HORMAD2: variants seen among roughly 807,000 people sequenced by gnomAD.
HORMAD2 encodes the protein HORMA domain-containing protein 2.
In HORMAD2, 45 loss-of-function variants were observed where a neutral mutation model predicts 38.8. The ratio of observed to expected loss-of-function variants is 1.16; its 90% confidence interval spans 0.91 to 1.49. HORMAD2 has a LOEUF of 1.49. Ranked by LOEUF, HORMAD2 falls within the 40% of genes most tolerant of loss-of-function variation. The pLI, the probability that HORMAD2 is intolerant of heterozygous loss-of-function variation, is 0.00. For synonymous variants in HORMAD2, 126 were observed against 122.8 expected (o/e 1.03, Z -0.17); for missense variants, 338 against 367.0 (o/e 0.92, Z 0.65).
chr22:30,121,715 A>G lies in HORMAD2; in HGVS notation c.494A>G (p.Tyr165Cys). 1 of 1,611,684 alleles carries G rather than the reference A, an allele frequency of 6.2e-7. No individual in the cohort carries two copies. The change falls in exon 9 of 11, where the codon TAT (tyrosine) becomes TGT (cysteine). Residue 165 changes from tyrosine to cysteine, a missense_variant. Transcript: ENST00000336726. Reference sequence around the variant, plus strand: ...AGTGTTCTACTGATCCGTAAATTGTATATACTGATGCAGGACCTTGAGCCA... The same window carrying G: ...AGTGTTCTACTGATCCGTAAATTGTGTATACTGATGCAGGACCTTGAGCCA... ...KASVLLIRKLYILMQDLEPLP... is the reference protein window; with the variant it reads ...KASVLLIRKLCILMQDLEPLP...
At chr22:30,079,538 C>T (rs1046860250), upstream of HORMAD2, among the ~76,000 whole-genome samples, 1 of 152,094 alleles carries the variant, frequency 6.6e-6, no homozygotes, top group African/African-American at 2.4e-5. Context: ...CAGGGTCTCC[C>T]TCTGTTGCCC....
downstream of HORMAD2, among the ~76,000 whole-genome samples, chr22:30,180,873 C>CTTCCCT (rs139156438): frequency 3.9e-4 from 48 of 122,636 alleles, 1 homozygote; most frequent in African/African-American, 1.2e-3. Flanking sequence ...CCCTTCTTCC[C>CTTCCCT]TTCCCTTTCC....
intron 10 of HORMAD2, among the ~76,000 whole-genome samples, chr22:30,164,208 A>G (rs1925634651): frequency 6.6e-6 from 1 of 152,212 alleles, no homozygotes. Context: ...ATTGATGGAC[A>G]GGTGGGTTGC....
intron 10 of HORMAD2, among the ~76,000 whole-genome samples, chr22:30,159,133 G>T (rs6006382): frequency 6.6e-6 from 1 of 152,096 alleles, no homozygotes; most frequent in Non-Finnish European, 1.5e-5. Context: ...GAGACAATGC[G>T]GAAAAATTAG....
rs539649971 is a variant in HORMAD2, at chr22:30,146,676, A to G, written c.819+24462A>G. On this transcript the variant is annotated intron_variant, in intron 10 of 10. Transcript: ENST00000336726. ...ACTCTTACCACTTATAGTCAACATC[A>G]TACTAGAGGTCCCACCAGCTAATTA... Among the ~76,000 whole-genome samples, 20 of 152,314 alleles carry G rather than the reference A, an allele frequency of 1.3e-4. No individual in the cohort carries two copies. In the South Asian group the frequency reaches 2.5e-3, roughly 19 times the overall value.
chr22:30,184,555 T>C, the HORMAD2 span: 1 of 152,148 alleles, frequency 6.6e-6, no homozygotes, highest in African/African-American at 2.4e-5. Flanking sequence ...TTTTAATGTT[T>C]TGGTTTTTTT....
chr22:30,080,142 C>G (rs546719511), upstream of HORMAD2: 1 of 152,396 alleles, frequency 6.6e-6, no homozygotes, highest in Non-Finnish European at 1.5e-5. Context: ...GCGGGGCAGG[C>G]ACCTCCTCAG....
rs553546203 is a variant in HORMAD2 at position 30,114,724 on chromosome 22, T to C, written c.342+2202T>C. Among the ~76,000 whole-genome samples, 10 of 152,316 alleles carry C rather than the reference T, an allele frequency of 6.6e-5. No individual in the cohort carries two copies. In the East Asian group the frequency reaches 1.9e-3, roughly 29 times the overall value. The stretch of plus-strand genomic sequence containing the variant: ...TGAAGAGTATGTCATGGTATAACAA[T>C]TGAGAACCTCTGGCTTAAATCAAAC... On this transcript the variant is annotated intron_variant, in intron 7 of 10. Transcript: ENST00000336726.
At chr22:30,173,226 C>T (rs1926226782) in intron 10 of HORMAD2, among the ~76,000 whole-genome samples, 1 of 152,138 alleles carries the variant, frequency 6.6e-6, no homozygotes, top group Admixed American at 6.6e-5. Context: ...ATTCTGAGGT[C>T]CATGGGAAGT....
chr22:30,091,701 T>A (rs1395106266), intron 1 of HORMAD2, among the ~76,000 whole-genome samples: 1 of 152,204 alleles, frequency 6.6e-6, no homozygotes, highest in African/African-American at 2.4e-5. Flanking sequence ...TTTGGATAAA[T>A]ACCCAATAGT....
At chr22:30,097,800 A>T (rs2068809675) in intron 2 of HORMAD2, among the ~76,000 whole-genome samples, 1 of 152,228 alleles carries the variant, frequency 6.6e-6, no homozygotes, top group African/African-American at 2.4e-5. Context: ...ATTAATTCTG[A>T]TGGCAATATG....
At chr22:30,206,304 C>G in the HORMAD2 span, among the ~76,000 whole-genome samples, 5 of 152,090 alleles carry the variant, frequency 3.3e-5, no homozygotes, top group Admixed American at 2.0e-4. Context: ...GTAGCTGGGA[C>G]TACAGGCACC....
chr22:30,168,657 C>T (rs1925928500), intron 10 of HORMAD2, among the ~76,000 whole-genome samples: 1 of 152,112 alleles, frequency 6.6e-6, no homozygotes. Context: ...TATACCTGTG[C>T]TTATTCCAAT....
the HORMAD2 span, among the ~76,000 whole-genome samples, chr22:30,201,562 C>T: frequency 1.3e-5 from 2 of 151,942 alleles, no homozygotes; most frequent in Admixed American, 1.3e-4. Flanking sequence ...GGACTACAGG[C>T]GCCCACCCCC....
intron 10 of HORMAD2, among the ~76,000 whole-genome samples, chr22:30,127,458 C>T (rs1039367271): frequency 1.4e-4 from 21 of 152,104 alleles, no homozygotes; most frequent in African/African-American, 4.8e-4. Flanking sequence ...CCGCCCACCT[C>T]GGCCTCCCAA....
At chr22:30,088,168 T>C (rs1019932706) in intron 1 of HORMAD2, among the ~76,000 whole-genome samples, 4 of 145,428 alleles carry the variant, frequency 2.8e-5, no homozygotes, top group East Asian at 1.9e-4. Flanking sequence ...CGTATACCTA[T>C]GTATACATAT....
the HORMAD2 span, among the ~76,000 whole-genome samples, chr22:30,184,104 G>T: frequency 6.6e-6 from 1 of 152,140 alleles, no homozygotes; most frequent in Non-Finnish European, 1.5e-5. Context: ...TCCTCTGGTC[G>T]CATCTCTCAA....
downstream of HORMAD2, among the ~76,000 whole-genome samples, chr22:30,179,978 T>C (rs990444013): frequency 6.6e-6 from 1 of 152,172 alleles, no homozygotes; most frequent in Non-Finnish European, 1.5e-5. Flanking sequence ...AGCCTTGACC[T>C]CCCAGGTTCA....
At chr22:30,148,773 G>A (rs1205770885) in intron 10 of HORMAD2, among the ~76,000 whole-genome samples, 2 of 152,186 alleles carry the variant, frequency 1.3e-5, no homozygotes, top group East Asian at 3.9e-4. Context: ...GGGAGGCCGA[G>A]ACGGGCAGAT....
Sources: allele counts gnomAD v4.1 joint callset (sites outside exome capture counted in the v4.1 genomes callset), GRCh38; gene constraint gnomAD v4.1.1; transcripts MANE v1.5; gene names NCBI Gene and HGNC (gene_info 2026-07-23, HGNC 2026-07-21).